CD58: variants seen among roughly 807,000 people sequenced by gnomAD.
The protein encoded by CD58 is lymphocyte function-associated antigen 3.
CD58 carries 14 observed loss-of-function variants against 27.6 expected under a neutral mutation model. That is an observed-to-expected ratio of 0.51 (90% CI 0.34 to 0.79). The LOEUF (loss-of-function observed/expected upper bound fraction) is 0.79, where lower values mean the gene tolerates loss of function less well. Ranked by LOEUF, CD58 falls within the 30% of genes least tolerant of loss-of-function variation. CD58 has a pLI of 0.02. For missense variants in CD58, 268 were observed against 301.7 expected (o/e 0.89, Z 0.83); for synonymous variants, 117 against 103.8 (o/e 1.13, Z -0.77).
chr1:116,524,937 C>T lies in CD58; in HGVS notation c.629-2954G>A, dbSNP rs370411066. On this transcript the variant is annotated intron_variant, in intron 3 of 5. Coordinates refer to ENST00000369489, the MANE Select transcript of CD58 (RefSeq NM_001779.3). The surrounding 1 kb of genome is among the most constrained non-coding windows in gnomAD (Gnocchi z 4.6). ...AATATTTTGAGTTTCAGGTTCACAA[C>T]AAAACTGAGCAGAAGTTACAGAAAG... Among the ~76,000 whole-genome samples, 9 of 152,176 alleles carry T rather than the reference C, an allele frequency of 5.9e-5. No homozygotes were observed. The highest frequency in any genetic ancestry group is 2.2e-4 in the African/African-American group (9 of 41,438).
rs552370417 is a variant in CD58 at position 116,548,432 on chromosome 1, T to A, written c.71-3828A>T. On this transcript the variant is annotated intron_variant, in intron 1 of 5. Transcript: ENST00000369489. ...CTTCTAGAATTTTTATGGCTTCAGG[T>A]CTTAGATTTAAGTTTTTGATCCACC... is the stretch of plus-strand genomic sequence containing the variant. Among the ~76,000 whole-genome samples, 8 of 152,332 alleles carry A rather than the reference T, an allele frequency of 5.3e-5. No individual in the cohort carries two copies. The East Asian group carries it at 1.5e-3, about 29-fold the overall frequency.
rs184842422 is a variant in CD58 at position 116,555,687 on chromosome 1, C to G, written c.71-11083G>C. On this transcript the variant is annotated intron_variant, in intron 1 of 5. Coordinates refer to ENST00000369489, the MANE Select transcript of CD58 (RefSeq NM_001779.3). Reference sequence around the variant, plus strand: ...CTGTTGCAGTGTTTCTACAAAACATCAACACCTCAATTTTAATAGTTCTTT... The same window carrying G: ...CTGTTGCAGTGTTTCTACAAAACATGAACACCTCAATTTTAATAGTTCTTT... 1.5e-3 allele frequency among the ~76,000 whole-genome samples: 224 copies of G among 152,258 alleles called. 3 individuals carry two copies. The highest frequency in any genetic ancestry group is 4.8e-3 in the African/African-American group (199 of 41,546).
At chr1:116,518,046 T>C (rs565574828) in intron 5 of CD58, among the ~76,000 whole-genome samples, 1 of 152,232 alleles carries the variant, frequency 6.6e-6, no homozygotes, top group Non-Finnish European at 1.5e-5. Flanking sequence ...GTACTTATAT[T>C]AATATATTTT....
At chr1:116,545,120 A>T (rs544762690) in intron 1 of CD58, among the ~76,000 whole-genome samples, 17 of 152,298 alleles carry the variant, frequency 1.1e-4, no homozygotes, top group African/African-American at 3.6e-4. Flanking sequence ...GAGAAAGAGC[A>T]TGGTGTGCTT....
At position 116,557,238 on chromosome 1, in the gene CD58, T is replaced by C. The variant is rs1255957701; in HGVS notation, c.71-12634A>G. Among the ~76,000 whole-genome samples, 1 of 152,206 alleles carries C rather than the reference T, an allele frequency of 6.6e-6. No individual in the cohort carries two copies. The highest frequency in any genetic ancestry group is 1.5e-5 in the Non-Finnish European group (1 of 68,030). On this transcript the variant is annotated intron_variant, in intron 1 of 5. Coordinates refer to ENST00000369489, the MANE Select transcript of CD58 (RefSeq NM_001779.3). This position sits in a 1 kb window ranked among gnomAD's most constrained non-coding sequence, Gnocchi z 5.2. ...ACCCTGGGCTTTGTGAAATCCCAAA[T>C]TGCTGTGGAACCTGGCTGAAGAAGG...
intron 3 of CD58, chr1:116,533,574 C>A: frequency 1.4e-6 from 1 of 712,484 alleles, no homozygotes; most frequent in Non-Finnish European, 2.7e-6. Context: ...ATTCACTTAG[C>A]ATATCTACAT....
chr1:116,530,543 C>T (rs1657571335), intron 3 of CD58, among the ~76,000 whole-genome samples: 1 of 152,114 alleles, frequency 6.6e-6, no homozygotes, highest in African/African-American at 2.4e-5. Context: ...TAACAACTGT[C>T]TGGCCAATCT....
rs561717852 is a variant in CD58 at position 116,551,078 on chromosome 1, G to C, written c.71-6474C>G. The stretch of plus-strand genomic sequence containing the variant: ...CATTTTATAGAGCACAAGCAGAATA[G>C]ATTTAGCCTAATTCTTAAGGGCCCT... On this transcript the variant is annotated intron_variant, in intron 1 of 5. Transcript: ENST00000369489. 2.0e-5 allele frequency among the ~76,000 whole-genome samples: 3 copies of C among 152,236 alleles called. No homozygotes were observed. The South Asian group carries it at 6.2e-4, about 32-fold the overall frequency.
At position 116,538,816 on chromosome 1, in the gene CD58, A is replaced by C. The variant is rs1040758934; in HGVS notation, c.365-2588T>G. 7.2e-5 allele frequency among the ~76,000 whole-genome samples: 11 copies of C among 152,222 alleles called. No individual in the cohort carries two copies. Among genetic ancestry groups the C allele is most frequent in the African/African-American group, 2.7e-4 (11 of 41,456 alleles). On this transcript the variant is annotated intron_variant, in intron 2 of 5. Coordinates refer to ENST00000369489, the MANE Select transcript of CD58 (RefSeq NM_001779.3). This position sits in a 1 kb window ranked among gnomAD's most constrained non-coding sequence, Gnocchi z 4.7. ...ATGCAAGGCACACAGATGGCTCCTC[A>C]CAAGCAGTACAGGACAGATGGGGAG...
Position 116,519,152 on chromosome 1 carries a change from C to T in CD58, c.743+79G>A. 6.3e-7 allele frequency: 1 copy of T among 1,593,502 alleles called. No homozygotes were observed. The highest frequency in any genetic ancestry group is 2.2e-5 in the East Asian group (1 of 44,680). On this transcript the variant is annotated intron_variant, in intron 5 of 5. Coordinates refer to ENST00000369489, the MANE Select transcript of CD58 (RefSeq NM_001779.3). This position sits in a 1 kb window ranked among gnomAD's most constrained non-coding sequence, Gnocchi z 4.7. ...AAGGCAACCAACAGATGAGTACAAT[C>T]TGGCTTCCCAAGTAATGGGCATCTA...
rs896636085 is a variant in CD58, at chr1:116,528,859, C to G, written c.629-6876G>C. On this transcript the variant is annotated intron_variant, in intron 3 of 5. Coordinates refer to ENST00000369489, the MANE Select transcript of CD58 (RefSeq NM_001779.3). This position sits in a 1 kb window ranked among gnomAD's most constrained non-coding sequence, Gnocchi z 4.4. ...TCTGGTTCCTACCCTCATCTATTCA[C>G]AAGGTCTGTCAACAATGACCTCCTA... Among the ~76,000 whole-genome samples the G allele has an allele frequency of 6.6e-6, 1 of 152,204 alleles. No individual in the cohort carries two copies. The highest frequency in any genetic ancestry group is 1.5e-5 in the Non-Finnish European group (1 of 68,042).
In CD58 at chr1:116,521,815, T is replaced by G. The variant is rs1236902787; in HGVS notation, c.706+91A>C. On this transcript the variant is annotated intron_variant, in intron 4 of 5. Coordinates refer to ENST00000369489, the MANE Select transcript of CD58 (RefSeq NM_001779.3). This position sits in a 1 kb window ranked among gnomAD's most constrained non-coding sequence, Gnocchi z 5.6. Reference sequence around the variant, plus strand: ...TTGTTTCTTTTCAAATGTCTAAAATTTCAAACTTTATTTTCATCCTTAAAC... The same window carrying G: ...TTGTTTCTTTTCAAATGTCTAAAATGTCAAACTTTATTTTCATCCTTAAAC... 16 of 857,976 alleles carry G rather than the reference T, an allele frequency of 1.9e-5. No individual in the cohort carries two copies. The highest frequency in any genetic ancestry group is 3.0e-5 in the Non-Finnish European group (16 of 533,292). 53.1% of individuals were successfully genotyped at this position (857,976 alleles called of 1,614,324 possible).
rs1446236463 is a variant in CD58 at position 116,515,304 on chromosome 1, G to A, written c.744-482C>T. 1.3e-5 allele frequency among the ~76,000 whole-genome samples: 2 copies of A among 152,172 alleles called. No individual in the cohort carries two copies. The highest frequency in any genetic ancestry group is 4.8e-5 in the African/African-American group (2 of 41,430). ...AGCCGAAAAACAAAACCGCATCCTT[G>A]AGCAAGCCCTCAAACCGAGTCCATT... On this transcript the variant is annotated intron_variant, in intron 5 of 5. Transcript: ENST00000369489. This position sits in a 1 kb window ranked among gnomAD's most constrained non-coding sequence, Gnocchi z 4.6.
intron 3 of CD58, 64 bp downstream of exon 3, chr1:116,535,901 C>T: frequency 4.1e-6 from 4 of 981,590 alleles, no homozygotes; most frequent in Non-Finnish European, 6.1e-6. Context: ...AAATTGTGAA[C>T]CTTGTGTTAG....
chr1:116,556,751 G>A (rs1481865264), intron 1 of CD58, among the ~76,000 whole-genome samples: 5 of 152,152 alleles, frequency 3.3e-5, no homozygotes, highest in East Asian at 1.9e-4. Context: ...CGCATTAGAC[G>A]AAGACCAGCA....
In CD58 at chr1:116,532,875, G is replaced by C; in HGVS notation, c.628+3090C>G. 1.4e-6 allele frequency: 1 copy of C among 698,888 alleles called. No individual in the cohort carries two copies. Among genetic ancestry groups the C allele is most frequent in the Admixed American group, 2.2e-5 (1 of 46,062 alleles). 43.3% of individuals were successfully genotyped at this position (698,888 alleles called of 1,614,324 possible). On this transcript the variant is annotated intron_variant, in intron 3 of 5. Transcript: ENST00000369489. This position sits in a 1 kb window ranked among gnomAD's most constrained non-coding sequence, Gnocchi z 5.1. ...TTGTGCCGCATGCGGCAAAGACTGA[G>C]GCCTCCCGCTACAGGCCCGGAGTCG...
At chr1:116,539,512 A>G (rs1359150933) in intron 2 of CD58, among the ~76,000 whole-genome samples, 3 of 151,196 alleles carry the variant, frequency 2.0e-5, no homozygotes, top group African/African-American at 7.4e-5. Context: ...TTTGTAAAAA[A>G]GAAAAGAAAA....
Position 116,514,836 on chromosome 1 carries a change from T to C in CD58, c.744-14A>G, listed in dbSNP as rs573098096. ...AATCAATTGGAGCTACAAAAAAAAA[T>C]CATATTATTAACTTGTAAAATGCAG... On this transcript the variant is annotated splice_polypyrimidine_tract_variant and intron_variant, in intron 5 of 5. Coordinates refer to ENST00000369489, the MANE Select transcript of CD58 (RefSeq NM_001779.3). The C allele has an allele frequency of 1.3e-6, 2 of 1,545,160 alleles. No homozygotes were observed. The highest frequency in any genetic ancestry group is 2.3e-5 in the South Asian group (2 of 87,668).
chr1:116,539,456 T>C (rs1657920837), intron 2 of CD58, among the ~76,000 whole-genome samples: 1 of 152,068 alleles, frequency 6.6e-6, no homozygotes, highest in Non-Finnish European at 1.5e-5. Flanking sequence ...CTGTATCAGG[T>C]CACTGTAAAG....
Sources: allele counts gnomAD v4.1 joint callset (sites outside exome capture counted in the v4.1 genomes callset), GRCh38; gene constraint gnomAD v4.1.1; non-coding constraint Gnocchi (gnomAD v3.1); transcripts MANE v1.5; gene names NCBI Gene and HGNC (gene_info 2026-07-23, HGNC 2026-07-21).